The following ATP8B1 variants were observed in gnomAD, a reference collection of about 807,000 sequenced individuals.
The protein encoded by ATP8B1 is phospholipid-transporting ATPase IC.
A neutral mutation model predicts 149.9 loss-of-function variants in ATP8B1; 80 were observed. The observed-to-expected ratio is 0.53, with a 90% CI of 0.45 to 0.64. The LOEUF (loss-of-function observed/expected upper bound fraction) is 0.64. ATP8B1 is among the 30% of genes least tolerant of loss of function. The pLI, the probability that ATP8B1 is intolerant of heterozygous loss-of-function variation, is 0.00. For synonymous variants in ATP8B1, 536 were observed against 562.8 expected (o/e 0.95, Z 0.67); for missense variants, 1,247 against 1,552.6 (o/e 0.80, Z 3.31).
At chr18:57,732,133 A>ATATACGTATATATG (rs764398507) in intron 1 of ATP8B1, 1 of 48,102 alleles carries the variant, frequency 2.1e-5, no homozygotes, top group East Asian at 3.0e-4. Context: ...ATATGTGTAT[A>ATATACGTATATATG]TGTATATATG....
At position 57,720,442 on chromosome 18, in the gene ATP8B1, G is replaced by A. The variant is rs1199644921; in HGVS notation, c.181+11185C>T. 8.6e-5 allele frequency among the ~76,000 whole-genome samples: 6 copies of A among 69,534 alleles called. No homozygotes were observed. In the East Asian group the frequency reaches 2.1e-3, roughly 24 times the overall value. The allele number at this position is 69,534 out of a possible 152,430, so 45.6% of individuals were successfully genotyped here. On this transcript the variant is annotated intron_variant, in intron 2 of 27. Transcript: ENST00000648908. ...GAAAACCAAGGCTCGAGAACTACGT[G>A]AAGAATGCAGAAGCCTCAGGAGCCG...
At position 57,648,667 on chromosome 18, in the gene ATP8B1, G is replaced by T. The variant is rs752586410; in HGVS notation, c.3577C>A (p.Arg1193=). 1 of 1,571,550 alleles carries T rather than the reference G, an allele frequency of 6.4e-7. No individual in the cohort carries two copies. Among genetic ancestry groups the T allele is most frequent in the East Asian group, 2.4e-5 (1 of 42,262 alleles). ...CCCCGGCGGAACACCTGCTGCCGTCGCTGCCACTGCTCCTCCGCCTTCAAC... is the reference window on the plus strand; with the variant it reads ...CCCCGGCGGAACACCTGCTGCCGTCTCTGCCACTGCTCCTCCGCCTTCAAC... ...KRLKAEEQWQ[R]RQQVFRRGVS... Residue 1193 remains arginine, a synonymous_variant, in exon 28 of 28, where the codon CGA becomes AGA. Transcript: ENST00000648908.
intron 1 of ATP8B1, chr18:57,735,135 C>G (rs1341922081): frequency 2.0e-5 from 3 of 153,124 alleles, no homozygotes; most frequent in African/African-American, 7.2e-5. Context: ...CTATTTCACT[C>G]TATTAAATCT....
At chr18:57,669,057 T>C (rs1599093914) in intron 18 of ATP8B1, 2 of 286,686 alleles carry the variant, frequency 7.0e-6, no homozygotes, top group East Asian at 1.3e-4. Flanking sequence ...TTATAATAAA[T>C]TTTAATAAGT....
Position 57,701,117 on chromosome 18 carries a change from G to A in ATP8B1, c.493-17C>T, listed in dbSNP as rs958068731. 3.7e-6 allele frequency: 6 copies of A among 1,613,734 alleles called. No homozygotes were observed. The highest frequency in any genetic ancestry group is 5.1e-6 in the Non-Finnish European group (6 of 1,179,750). ...ATGGCGAGCCTTGAGAAGGAAGATG[G>A]GGAAATGCTGTTTTAAACATCTCAA... On this transcript the variant is annotated splice_polypyrimidine_tract_variant and intron_variant, in intron 5 of 27. Transcript: ENST00000648908.
chr18:57,794,267 T>C (rs1362003369), intron 1 of ATP8B1, among the ~76,000 whole-genome samples: 2 of 152,114 alleles, frequency 1.3e-5, no homozygotes, highest in Non-Finnish European at 2.9e-5. Flanking sequence ...TATTGTTCTC[T>C]AGAAACTACA....
At chr18:57,709,295 C>A (rs1009441498) in intron 2 of ATP8B1, among the ~76,000 whole-genome samples, 1 of 152,198 alleles carries the variant, frequency 6.6e-6, no homozygotes, top group Non-Finnish European at 1.5e-5. Flanking sequence ...CCTTGCAACC[C>A]TCTCTTGGAA....
intron 21 of ATP8B1, 45 bp downstream of exon 21, chr18:57,662,438 T>G (rs753559892): frequency 9.3e-6 from 15 of 1,611,230 alleles, no homozygotes; most frequent in African/African-American, 1.3e-5. Flanking sequence ...CCAAATGAAC[T>G]TCTTTCTTTT....
chr18:57,733,692 C>A (rs1389212076), intron 1 of ATP8B1, among the ~76,000 whole-genome samples: 1 of 114,064 alleles, frequency 8.8e-6, no homozygotes, highest in Non-Finnish European at 1.7e-5. Context: ...GGCGACAGAG[C>A]GAGACTCCAT....
chr18:57,773,591 A>G (rs781325712), intron 1 of ATP8B1, among the ~76,000 whole-genome samples: 26 of 152,190 alleles, frequency 1.7e-4, no homozygotes, highest in Non-Finnish European at 3.5e-4. Context: ...AAATGTTTCC[A>G]TATTTAGCCA....
chr18:57,694,440 C>G (rs987809733), intron 11 of ATP8B1, 142 bp downstream of exon 11: 3 of 603,840 alleles, frequency 5.0e-6, no homozygotes, highest in Non-Finnish European at 8.8e-6. Context: ...ATCCCTTCTT[C>G]CTGCATTTGA....
intron 4 of ATP8B1, among the ~76,000 whole-genome samples, chr18:57,703,979 T>A (rs189325567): frequency 6.6e-6 from 1 of 152,190 alleles, no homozygotes; most frequent in African/African-American, 2.4e-5. Flanking sequence ...ATTTTATTTT[T>A]TTTTAAGATG....
In ATP8B1 at chr18:57,784,964, CAA is replaced by C. The variant is rs2080392573; in HGVS notation, c.-26+18032_-26+18033del. Among the ~76,000 whole-genome samples, 7 of 152,312 alleles carry C rather than the reference CAA, an allele frequency of 4.6e-5. No individual in the cohort carries two copies. The South Asian group carries it at 1.5e-3, about 32-fold the overall frequency. On this transcript the variant is annotated intron_variant, in intron 1 of 27. Coordinates refer to ENST00000648908, the MANE Select transcript of ATP8B1 (RefSeq NM_001374385.1). The surrounding 1 kb of genome is among the most constrained non-coding windows in gnomAD (Gnocchi z 4.4). ...GTTGACTAAGTTAAGTATACTTTTA[CAA>C]AGTCTTTAATAAACTGGTGCCGGTC...
rs1401650054 is a variant in ATP8B1, at chr18:57,647,112, T to C, written c.*1376A>G. 6.6e-6 allele frequency: 1 copy of C among 152,204 alleles called. No individual in the cohort carries two copies. Among genetic ancestry groups the C allele is most frequent in the Non-Finnish European group, 1.5e-5 (1 of 68,026 alleles). The allele number at this position is 152,204 out of a possible 1,614,324, so 9.4% of individuals were successfully genotyped here. The stretch of plus-strand genomic sequence containing the variant: ...AGTCCCTGATAAAATACTTTGCATA[T>C]AGGCAGGCACAAAAGTTTGCTTTCC... On this transcript the variant is annotated 3_prime_UTR_variant, in exon 28 of 28. Coordinates refer to ENST00000648908, the MANE Select transcript of ATP8B1 (RefSeq NM_001374385.1).
intron 1 of ATP8B1, among the ~76,000 whole-genome samples, chr18:57,796,677 G>GTTGTTTGT (rs148442717): frequency 2.6e-5 from 4 of 152,042 alleles, no homozygotes; most frequent in African/African-American, 9.7e-5. Flanking sequence ...TACCTATGCT[G>GTTGTTTGT]TTGTTTGTTT....
chr18:57,764,403 T>TTCTTTCTC (rs1205208390), intron 1 of ATP8B1, among the ~76,000 whole-genome samples: 4 of 137,792 alleles, frequency 2.9e-5, no homozygotes, highest in East Asian at 2.0e-4. Flanking sequence ...CTCTCTTTCT[T>TTCTTTCTC]TCTTTCTCTC....
chr18:57,710,999 TG>T (rs1243416862), intron 2 of ATP8B1, among the ~76,000 whole-genome samples: 5 of 152,172 alleles, frequency 3.3e-5, no homozygotes, highest in Non-Finnish European at 7.3e-5. Context: ...AATTCTTCAC[TG>T]AGATAGTAGT....
chr18:57,676,092 A>T (rs867047576), intron 15 of ATP8B1, among the ~76,000 whole-genome samples: 1 of 152,206 alleles, frequency 6.6e-6, no homozygotes, highest in East Asian at 1.9e-4. Flanking sequence ...TTGGTATACA[A>T]TACTAATTTG....
chr18:57,767,115 G>T (rs1374038752), intron 1 of ATP8B1, among the ~76,000 whole-genome samples: 1 of 152,206 alleles, frequency 6.6e-6, no homozygotes, highest in African/African-American at 2.4e-5. Context: ...GAATCCTACA[G>T]TTTATCCACA....
Sources: gnomAD v4.1 joint callset for allele counts (sites outside exome capture counted in the v4.1 genomes callset) on GRCh38, gnomAD v4.1.1 for gene constraint, Gnocchi (gnomAD v3.1) non-coding constraint, MANE v1.5 for transcripts, NCBI Gene and HGNC (gene_info 2026-07-23, HGNC 2026-07-21) for gene names.